CGNL1: variants seen among roughly 807,000 people sequenced by gnomAD.
CGNL1 encodes the protein cingulin-like protein 1.
CGNL1 carries 132 observed loss-of-function variants against 141.2 expected under a neutral mutation model. The observed-to-expected ratio is 0.93, with a 90% confidence interval of 0.81 to 1.08. The LOEUF is 1.08. Among genes scored for constraint, CGNL1 ranks in the 50% least tolerant of loss-of-function variants. CGNL1 has a pLI of 0.00. For missense variants in CGNL1, 1,870 were observed against 1,588.6 expected (o/e 1.18, Z -3.01); for synonymous variants, 690 against 622.1 (o/e 1.11, Z -1.63).
At position 57,438,992 on chromosome 15, in the gene CGNL1, C is replaced by G; in HGVS notation, c.993C>G (p.Asn331Lys). 5 of 1,614,174 alleles carry G rather than the reference C, an allele frequency of 3.1e-6. No individual in the cohort carries two copies. Among genetic ancestry groups the G allele is most frequent in the Admixed American group, 1.7e-5 (1 of 60,028 alleles). The change falls in exon 2 of 19, where the codon AAC becomes AAG. Residue 331 changes from asparagine (N) to lysine (K), a missense_variant. Transcript: ENST00000281282. ...IHADNVNRHENRRYIPFLPGT... is the reference protein window; with the variant it reads ...IHADNVNRHEKRRYIPFLPGT... ...CCGACAACGTCAATCGTCATGAAAA[C>G]AGAAGGTATATTCCCTTCCTGCCAG...
intron 4 of CGNL1, among the ~76,000 whole-genome samples, chr15:57,444,880 CAG>C (rs1224571262): frequency 1.3e-5 from 2 of 152,148 alleles, no homozygotes; most frequent in African/African-American, 2.4e-5. Flanking sequence ...GGATTTTAAA[CAG>C]ATGTGAATAC....
In CGNL1 at chr15:57,543,727, A is replaced by G. The variant is rs767831967; in HGVS notation, c.3323A>G (p.Glu1108Gly). ...CAGTTGAGGAATGAGCTACTTCAGG[A>G]GAGAGCTGCGAGACAAGACTTGGAG... Reference protein sequence around the residue: ...MEQLRNELLQERAARQDLECD... With the variant: ...MEQLRNELLQGRAARQDLECD... The change falls in exon 15 of 19, where the codon GAG (glutamate) becomes GGG (glycine). Residue 1108 changes from glutamate (E) to glycine (G), a missense_variant. Glu to Gly is a moderately conservative substitution (Grantham distance 98). Coordinates refer to ENST00000281282, the MANE Select transcript of CGNL1 (RefSeq NM_032866.5). The G allele has an allele frequency of 1.3e-5, 21 of 1,613,904 alleles. No individual in the cohort carries two copies. In the African/African-American group the frequency reaches 2.0e-4, roughly 15 times the overall value.
chr15:57,446,694 C>A (rs1405017688), intron 4 of CGNL1, among the ~76,000 whole-genome samples: 3 of 137,174 alleles, frequency 2.2e-5, no homozygotes, highest in African/African-American at 8.2e-5. Context: ...TGTAAACACA[C>A]TCACTCATTT....
At chr15:57,453,904 A>G (rs1038379495) in intron 7 of CGNL1, 86 bp downstream of exon 7, 24 of 1,505,856 alleles carry the variant, frequency 1.6e-5, no homozygotes, top group Non-Finnish European at 2.1e-5. Flanking sequence ...ACTGCAAGCC[A>G]CTTTCTGATG....
chr15:57,450,747 G>A, intron 4 of CGNL1, among the ~76,000 whole-genome samples: 1 of 152,044 alleles, frequency 6.6e-6, no homozygotes, highest in South Asian at 2.1e-4. Flanking sequence ...TTCAGTGCCT[G>A]TCAACAATTG....
intron 13 of CGNL1, chr15:57,529,042 AT>A: frequency 2.3e-6 from 1 of 442,412 alleles, no homozygotes; most frequent in Non-Finnish European, 4.0e-6. Context: ...TTAGTCTAAC[AT>A]TCTCATTGTC....
intron 1 of CGNL1, among the ~76,000 whole-genome samples, chr15:57,412,589 C>T (rs567373936): frequency 2.5e-4 from 38 of 152,338 alleles, no homozygotes; most frequent in Non-Finnish European, 4.7e-4. Flanking sequence ...CTTCCTCCAC[C>T]TCATGGGGAA....
At chr15:57,461,942 G>A in intron 8 of CGNL1, 50 bp downstream of exon 8, 1 of 1,398,314 alleles carries the variant, frequency 7.2e-7, no homozygotes, top group Non-Finnish European at 1.0e-6. Context: ...GAAAGGGTAA[G>A]ACCCTCTCTC....
At chr15:57,528,844 G>A (rs2031784799) in intron 13 of CGNL1, 29 bp downstream of exon 13, 1 of 1,608,888 alleles carries the variant, frequency 6.2e-7, no homozygotes, top group Non-Finnish European at 8.5e-7. Context: ...GTGAGCTGGG[G>A]GACCTGCAGA....
intron 12 of CGNL1, 23 bp downstream of exon 12, chr15:57,524,774 C>T (rs770194128): frequency 6.2e-7 from 1 of 1,610,990 alleles, no homozygotes; most frequent in Non-Finnish European, 8.5e-7. Context: ...CAGATAAGTT[C>T]TTCCTTTATC....
At chr15:57,529,609 C>T (rs568158161) in intron 13 of CGNL1, among the ~76,000 whole-genome samples, 76 of 140,968 alleles carry the variant, frequency 5.4e-4, no homozygotes, top group African/African-American at 1.8e-3. Context: ...CACACACACA[C>T]GCCCCAGTAG....
Position 57,439,304 on chromosome 15 carries a change from T to C in CGNL1, c.1305T>C (p.Arg435=). The C allele has an allele frequency of 1.9e-6, 3 of 1,614,022 alleles. No individual in the cohort carries two copies. The highest frequency in any genetic ancestry group is 2.5e-6 in the Non-Finnish European group (3 of 1,180,030). ...CPQRPLSQER[R]GKQSVGRTFA... ...AGCGGCCACTGTCTCAGGAGCGCCG[T>C]GGGAAACAGAGCGTGGGCCGCACCT... The change falls in exon 2 of 19, where the codon CGT becomes CGC. Residue 435 remains arginine (R), a synonymous_variant. Coordinates refer to ENST00000281282, the MANE Select transcript of CGNL1 (RefSeq NM_032866.5).
intron 1 of CGNL1, among the ~76,000 whole-genome samples, chr15:57,410,532 TCAC>T (rs2062774821): frequency 6.6e-6 from 1 of 152,148 alleles, no homozygotes; most frequent in Non-Finnish European, 1.5e-5. Flanking sequence ...AGCTTTCCCA[TCAC>T]CACCTCTCTC....
At chr15:57,536,365 G>A (rs573182960) in intron 14 of CGNL1, among the ~76,000 whole-genome samples, 1 of 152,134 alleles carries the variant, frequency 6.6e-6, no homozygotes, top group African/African-American at 2.4e-5. Context: ...TACATGCTCA[G>A]GACAATATTA....
intron 1 of CGNL1, among the ~76,000 whole-genome samples, chr15:57,432,955 T>G (rs1196748395): frequency 2.6e-5 from 4 of 152,226 alleles, no homozygotes; most frequent in Non-Finnish European, 5.9e-5. Flanking sequence ...GTAGTAGGAA[T>G]AGCTATTTGA....
At chr15:57,458,133 CTT>C (rs1372200366) in intron 7 of CGNL1, among the ~76,000 whole-genome samples, 1 of 152,170 alleles carries the variant, frequency 6.6e-6, no homozygotes, top group Non-Finnish European at 1.5e-5. Context: ...CAGCACAGTT[CTT>C]ATGATGTATA....
At chr15:57,427,442 G>T (rs1423040599) in intron 1 of CGNL1, among the ~76,000 whole-genome samples, 1 of 152,096 alleles carries the variant, frequency 6.6e-6, no homozygotes. Context: ...TATGAGACTG[G>T]GTTGGTTTGT....
intron 14 of CGNL1, among the ~76,000 whole-genome samples, chr15:57,538,444 T>C (rs1309848988): frequency 6.6e-6 from 1 of 151,796 alleles, no homozygotes; most frequent in Non-Finnish European, 1.5e-5. Flanking sequence ...TTTAAGGGGC[T>C]ATGGTGGGGG....
intron 10 of CGNL1, among the ~76,000 whole-genome samples, chr15:57,521,793 G>C (rs2031275192): frequency 6.6e-6 from 1 of 152,036 alleles, no homozygotes; most frequent in African/African-American, 2.4e-5. Flanking sequence ...GGGTTGGCTT[G>C]TCTGCTGCCT....
Sources: allele counts gnomAD v4.1 joint callset (sites outside exome capture counted in the v4.1 genomes callset), GRCh38; gene constraint gnomAD v4.1.1; transcripts MANE v1.5; gene names NCBI Gene and HGNC (gene_info 2026-07-23, HGNC 2026-07-21).